ZFHX3: variants seen among roughly 807,000 people sequenced by gnomAD.
ZFHX3 encodes the protein zinc finger homeobox 3, also known as zinc finger homeobox protein 3.
ZFHX3 carries 42 observed loss-of-function variants against 279.1 expected under a neutral mutation model. The observed-to-expected ratio is 0.15, with a 90% CI of 0.12 to 0.19. The LOEUF is 0.19. Among genes scored for constraint, ZFHX3 ranks in the 10% least tolerant of loss-of-function variants. The pLI is 1.00. For missense variants in ZFHX3, 4,981 were observed against 4,754.0 expected (o/e 1.05, Z -1.40); for synonymous variants, 2,293 against 1,957.8 (o/e 1.17, Z -4.52).
chr16:73,601,240 C>T (rs932020014), intron 2 of ZFHX3, among the ~76,000 whole-genome samples: 5 of 146,010 alleles, frequency 3.4e-5, no homozygotes, highest in Admixed American at 2.1e-4. Flanking sequence ...ATCACAAGGC[C>T]AGGAGATTGA....
At chr16:73,199,403 G>A (rs896236134) in intron 5 of ZFHX3, among the ~76,000 whole-genome samples, 2 of 152,188 alleles carry the variant, frequency 1.3e-5, no homozygotes, top group Non-Finnish European at 2.9e-5. Context: ...AAGTGACTCT[G>A]CTGCCATCTA....
chr16:73,488,415 C>T (rs1247006631), intron 2 of ZFHX3, among the ~76,000 whole-genome samples: 1 of 152,086 alleles, frequency 6.6e-6, no homozygotes, highest in Non-Finnish European at 1.5e-5. Flanking sequence ...TAGCAGAGCC[C>T]ACATCAGCAG....
At chr16:73,087,663 GAGA>G (rs1288912520) in intron 8 of ZFHX3, among the ~76,000 whole-genome samples, 4 of 152,116 alleles carry the variant, frequency 2.6e-5, no homozygotes, top group African/African-American at 9.7e-5. Context: ...TTTTTTCATG[GAGA>G]AGATGACTTT....
At chr16:72,953,807 C>T (rs1410829066) in intron 2 of ZFHX3, among the ~76,000 whole-genome samples, 1 of 152,162 alleles carries the variant, frequency 6.6e-6, no homozygotes, top group African/African-American at 2.4e-5. Context: ...CTCCCAGGTT[C>T]AAGTGATCCT....
intron 5 of ZFHX3, among the ~76,000 whole-genome samples, chr16:73,233,719 AT>A (rs2012851962): frequency 2.0e-5 from 3 of 151,922 alleles, no homozygotes; most frequent in South Asian, 2.1e-4. Flanking sequence ...AACGAGCTGG[AT>A]TTTCTTTCTT....
chr16:73,864,103 C>A lies in ZFHX3; in HGVS notation c.-1608+27548G>T, dbSNP rs138692471. On this transcript the variant is annotated intron_variant, in intron 1 of 17. Coordinates refer to the ZFHX3 transcript ENST00000641206. ...TCCTTCTTTGGTGTGTGTTATCTAC[C>A]TGCCTAATAGATTATTGGCATGTTT... Among the ~76,000 whole-genome samples the A allele has an allele frequency of 3.9e-5, 6 of 152,280 alleles. No individual in the cohort carries two copies. The East Asian group carries it at 1.2e-3, about 29-fold the overall frequency.
chr16:73,634,604 C>A (rs1157234751), intron 2 of ZFHX3, among the ~76,000 whole-genome samples: 1 of 151,848 alleles, frequency 6.6e-6, no homozygotes, highest in African/African-American at 2.4e-5. Flanking sequence ...CATTTTGCAC[C>A]TATGGGTCCT....
At position 73,045,516 on chromosome 16, in the gene ZFHX3, G is replaced by C. The variant is rs28594767; in HGVS notation, c.-50+2236C>G. On this transcript the variant is annotated intron_variant, in intron 1 of 9. Transcript: ENST00000268489. ...GGTGGGAAGAGCCAGGCAGGGGCCTGTGGAGGGCACCGTTTTAGATGGGCC... is the reference window on the plus strand; with the variant it reads ...GGTGGGAAGAGCCAGGCAGGGGCCTCTGGAGGGCACCGTTTTAGATGGGCC... Among the ~76,000 whole-genome samples the C allele has an allele frequency of 7.6e-3, 1,150 of 152,274 alleles. 15 individuals are homozygous for C. The highest frequency in any genetic ancestry group is 0.026 in the African/African-American group (1,091 of 41,548).
intron 8 of ZFHX3, among the ~76,000 whole-genome samples, chr16:73,081,835 C>CT (rs369769502): frequency 0.024 from 3,144 of 132,964 alleles, 55 homozygotes; most frequent in East Asian, 0.05. Context: ...TTGTCCACAT[C>CT]TTTTTTTTTT....
chr16:73,878,573 T>C (rs1463079946), intron 1 of ZFHX3, among the ~76,000 whole-genome samples: 1 of 152,154 alleles, frequency 6.6e-6, no homozygotes, highest in Non-Finnish European at 1.5e-5. Context: ...CTCCCAGATC[T>C]AGTCTATATT....
intron 1 of ZFHX3, among the ~76,000 whole-genome samples, chr16:73,693,918 A>G (rs2053171805): frequency 6.6e-6 from 1 of 152,120 alleles, no homozygotes; most frequent in Non-Finnish European, 1.5e-5. Flanking sequence ...ACTAGTACCA[A>G]AATAAGCTCT....
At chr16:73,035,778 C>T (rs1964877487) in intron 1 of ZFHX3, among the ~76,000 whole-genome samples, 1 of 152,228 alleles carries the variant, frequency 6.6e-6, no homozygotes, top group Non-Finnish European at 1.5e-5. Context: ...CCAGCCCACG[C>T]TGGTAGTCCC....
chr16:73,053,356 G>A (rs1349928375), intron 1 of ZFHX3, among the ~76,000 whole-genome samples: 1 of 152,176 alleles, frequency 6.6e-6, no homozygotes, highest in Non-Finnish European at 1.5e-5. Flanking sequence ...GGCGGTGGTG[G>A]GGAGGCTGCG....
chr16:73,371,710 A>T (rs891102544), intron 3 of ZFHX3, among the ~76,000 whole-genome samples: 1 of 152,120 alleles, frequency 6.6e-6, no homozygotes, highest in African/African-American at 2.4e-5. Flanking sequence ...TGCTTCCTTT[A>T]AATATGGTTT....
At chr16:73,575,287 G>C (rs564682813) in intron 2 of ZFHX3, among the ~76,000 whole-genome samples, 82 of 152,338 alleles carry the variant, frequency 5.4e-4, no homozygotes, top group African/African-American at 1.7e-3. Context: ...GTTCCCAAAA[G>C]TATTTAAAAA....
At chr16:73,492,153 C>A (rs1372815141) in intron 2 of ZFHX3, among the ~76,000 whole-genome samples, 1 of 152,142 alleles carries the variant, frequency 6.6e-6, no homozygotes, top group East Asian at 1.9e-4. Context: ...AAATGAAATT[C>A]ATTGCCATCT....
At chr16:73,877,209 G>GT (rs1382634725) in intron 1 of ZFHX3, among the ~76,000 whole-genome samples, 4 of 141,934 alleles carry the variant, frequency 2.8e-5, no homozygotes, top group Admixed American at 7.0e-5. Flanking sequence ...GGTCGGGGGG[G>GT]GGTCCCAGGC....
chr16:73,702,919 T>G (rs1368398085), intron 1 of ZFHX3, among the ~76,000 whole-genome samples: 1 of 152,158 alleles, frequency 6.6e-6, no homozygotes, highest in Non-Finnish European at 1.5e-5. Context: ...GAAATGAACC[T>G]CATAACTACC....
intron 1 of ZFHX3, among the ~76,000 whole-genome samples, chr16:73,795,574 T>C (rs1324696578): frequency 6.6e-6 from 1 of 152,170 alleles, no homozygotes; most frequent in African/African-American, 2.4e-5. Flanking sequence ...AGAACCTTTC[T>C]ATCTCATTAA....
Sources: gnomAD v4.1 joint callset for allele counts (sites outside exome capture counted in the v4.1 genomes callset) on GRCh38, gnomAD v4.1.1 for gene constraint, MANE v1.5 for transcripts, NCBI Gene and HGNC (gene_info 2026-07-23, HGNC 2026-07-21) for gene names.